Variants in RERG observed in about 807,000 individuals in gnomAD.
The protein encoded by RERG is ras-related and estrogen-regulated growth inhibitor.
A neutral mutation model predicts 23.2 loss-of-function variants in RERG; 25 were observed. The ratio of observed to expected loss-of-function variants is 1.08; its 90% CI spans 0.79 to 1.50. The LOEUF is 1.50. Ranked by LOEUF, RERG falls within the 40% of genes most tolerant of loss-of-function variation. The pLI, the probability that RERG is intolerant of heterozygous loss-of-function variation, is 0.00. For missense variants in RERG, 253 were observed against 250.1 expected (o/e 1.01, Z -0.08); for synonymous variants, 81 against 89.1 (o/e 0.91, Z 0.51).
chr12:15,150,459 G>T (rs1251123495), intron 2 of RERG, among the ~76,000 whole-genome samples: 1 of 152,134 alleles, frequency 6.6e-6, no homozygotes, highest in Admixed American at 6.5e-5. Flanking sequence ...CAGGGATAAA[G>T]AATATCTAAC....
rs565261024 is a variant in RERG at position 15,151,174 on chromosome 12, C to T, written c.62-30055G>A. ...TGATTTTTTTCCTCTGTATTTTCTA[C>T]GTTTTCTATAATGAACACACTTAAT... On this transcript the variant is annotated intron_variant, in intron 2 of 4. Transcript: ENST00000256953. Among the ~76,000 whole-genome samples the T allele has an allele frequency of 1.4e-4, 22 of 152,128 alleles. No homozygotes were observed. In the South Asian group the frequency reaches 4.4e-3, roughly 30 times the overall value.
At chr12:15,110,493 T>TTTTTTTTTTTTTTTTA (rs1863591659) in intron 4 of RERG, among the ~76,000 whole-genome samples, 2 of 126,134 alleles carry the variant, frequency 1.6e-5, no homozygotes, top group African/African-American at 6.3e-5. Context: ...TTTTTTTTTT[T>TTTTTTTTTTTTTTTTA]ACTGAGACGG....
chr12:15,149,592 T>C (rs1864403668), intron 2 of RERG, among the ~76,000 whole-genome samples: 1 of 152,162 alleles, frequency 6.6e-6, no homozygotes, highest in African/African-American at 2.4e-5. Context: ...AAAGTGCTAC[T>C]TCTATAGAAG....
At chr12:15,129,873 T>C (rs1017707810) in intron 2 of RERG, among the ~76,000 whole-genome samples, 2 of 152,122 alleles carry the variant, frequency 1.3e-5, no homozygotes, top group African/African-American at 4.8e-5. Flanking sequence ...AATGGCTCAA[T>C]TTGATCTGAT....
Position 15,109,065 on chromosome 12 carries a change from G to C in RERG, c.*45C>G. ...TTTTATTTTTGAAAGGGGAACAGAAGGGGAAGAGTGTTTCCAATTAGTTGG... is the reference window on the plus strand; with the variant it reads ...TTTTATTTTTGAAAGGGGAACAGAACGGGAAGAGTGTTTCCAATTAGTTGG... On this transcript the variant is annotated 3_prime_UTR_variant, in exon 5 of 5. Coordinates refer to ENST00000256953, the MANE Select transcript of RERG (RefSeq NM_032918.3). 1 of 1,476,952 alleles carries C rather than the reference G, an allele frequency of 6.8e-7. No individual in the cohort carries two copies. Among genetic ancestry groups the C allele is most frequent in the Non-Finnish European group, 9.1e-7 (1 of 1,100,232 alleles). The allele number at this position is 1,476,952 out of a possible 1,614,324, so 91.5% of individuals were successfully genotyped here.
At chr12:15,203,761 C>T (rs1259331058) in intron 2 of RERG, among the ~76,000 whole-genome samples, 3 of 151,436 alleles carry the variant, frequency 2.0e-5, no homozygotes, top group Non-Finnish European at 4.4e-5. Flanking sequence ...AAAACGATTG[C>T]ACATATACTA....
chr12:15,166,596 T>C lies in RERG; in HGVS notation c.62-45477A>G, dbSNP rs542069661. The stretch of plus-strand genomic sequence containing the variant: ...GTGGTGGTGGTAGGGGTGGTGCCAC[T>C]GCAGCTACTTACCTTCCCTAATGCA... On this transcript the variant is annotated intron_variant, in intron 2 of 4. Coordinates refer to ENST00000256953, the MANE Select transcript of RERG (RefSeq NM_032918.3). 6.7e-4 allele frequency among the ~76,000 whole-genome samples: 102 copies of C among 152,106 alleles called. No homozygotes were observed. In the Middle Eastern group the frequency reaches 0.01, roughly 15 times the overall value.
chr12:15,183,174 A>T (rs561944198), intron 2 of RERG, among the ~76,000 whole-genome samples: 16 of 152,258 alleles, frequency 1.1e-4, no homozygotes, highest in African/African-American at 3.8e-4. Context: ...GGGATGTAAG[A>T]TCTAAATTAA....
chr12:15,155,569 G>A (rs1046429640), intron 2 of RERG, among the ~76,000 whole-genome samples: 4 of 152,170 alleles, frequency 2.6e-5, no homozygotes, highest in Non-Finnish European at 4.4e-5. Flanking sequence ...AGGTAATGGG[G>A]TTGGGCAGAA....
chr12:15,200,889 C>T (rs1253684889), intron 2 of RERG, among the ~76,000 whole-genome samples: 1 of 151,876 alleles, frequency 6.6e-6, no homozygotes, highest in African/African-American at 2.4e-5. Flanking sequence ...ATTTGACACG[C>T]TTCGCATTTT....
rs752762589 is a variant in RERG, at chr12:15,161,001, G to A, written c.62-39882C>T. 9.9e-5 allele frequency among the ~76,000 whole-genome samples: 15 copies of A among 151,996 alleles called. No individual in the cohort carries two copies. The South Asian group carries it at 1.0e-3, about 11-fold the overall frequency. ...AATACAAAAATTACTCAGGTGTGGCGGCACATGCTTGTAGTCACAGCTACC... is the reference window on the plus strand; with the variant it reads ...AATACAAAAATTACTCAGGTGTGGCAGCACATGCTTGTAGTCACAGCTACC... On this transcript the variant is annotated intron_variant, in intron 2 of 4. Transcript: ENST00000256953.
intron 2 of RERG, among the ~76,000 whole-genome samples, chr12:15,194,165 T>A (rs1202466561): frequency 6.6e-6 from 1 of 152,008 alleles, no homozygotes; most frequent in East Asian, 1.9e-4. Context: ...AAGGAGAGAG[T>A]GCGCAGCTGG....
intron 2 of RERG, among the ~76,000 whole-genome samples, chr12:15,143,379 ATG>A (rs1054568213): frequency 2.4e-4 from 36 of 151,784 alleles, no homozygotes; most frequent in African/African-American, 8.2e-4. Context: ...ATATACACAC[ATG>A]TGTGTTTATA....
At chr12:15,208,791 T>A (rs1865328011) in intron 2 of RERG, among the ~76,000 whole-genome samples, 1 of 152,084 alleles carries the variant, frequency 6.6e-6, no homozygotes, top group East Asian at 1.9e-4. Context: ...GCAAAAATAT[T>A]AGAAGGTTTT....
At chr12:15,116,335 G>T (rs1212293973) in intron 3 of RERG, among the ~76,000 whole-genome samples, 1 of 152,122 alleles carries the variant, frequency 6.6e-6, no homozygotes, top group African/African-American at 2.4e-5. Flanking sequence ...ACAGAGTTCT[G>T]GGCTCTATTC....
At chr12:15,188,830 C>A (rs977746866) in intron 2 of RERG, among the ~76,000 whole-genome samples, 3 of 152,094 alleles carry the variant, frequency 2.0e-5, no homozygotes, top group African/African-American at 7.2e-5. Context: ...AATCAACTGT[C>A]CTTTCCATGG....
intron 2 of RERG, among the ~76,000 whole-genome samples, chr12:15,194,306 T>C (rs1209405474): frequency 3.9e-5 from 6 of 152,136 alleles, no homozygotes; most frequent in African/African-American, 1.4e-4. Context: ...TATTTAAGTA[T>C]AATCGTGAAT....
chr12:15,120,331 C>T (rs1416841382), intron 3 of RERG, among the ~76,000 whole-genome samples: 1 of 152,118 alleles, frequency 6.6e-6, no homozygotes. Context: ...CCAAGGCCTT[C>T]TCTTTCTGTA....
intron 2 of RERG, among the ~76,000 whole-genome samples, chr12:15,212,144 C>T (rs1865376438): frequency 6.8e-6 from 1 of 146,990 alleles, no homozygotes; most frequent in Admixed American, 6.9e-5. Flanking sequence ...ACTGCAAGCT[C>T]CGCTTCCCGG....
Sources: gnomAD v4.1 joint callset for allele counts (sites outside exome capture counted in the v4.1 genomes callset) on GRCh38, gnomAD v4.1.1 for gene constraint, MANE v1.5 for transcripts, NCBI Gene and HGNC (gene_info 2026-07-23, HGNC 2026-07-21) for gene names.